The following IGFBP7 variants were observed in gnomAD, a reference collection of about 807,000 sequenced individuals.
IGFBP7 encodes insulin like growth factor binding protein 7.
Under a neutral mutation model 29.4 loss-of-function variants are expected in IGFBP7, and 31 were observed. The observed-to-expected ratio is 1.05, with a 90% CI of 0.79 to 1.42. The LOEUF (loss-of-function observed/expected upper bound fraction) is 1.42. IGFBP7 is among the 40% of genes most tolerant of loss of function. IGFBP7 has a pLI of 0.00. For synonymous variants in IGFBP7, 172 were observed against 174.9 expected (o/e 0.98, Z 0.13); for missense variants, 393 against 395.5 (o/e 0.99, Z 0.05).
intron 1 of IGFBP7, among the ~76,000 whole-genome samples, chr4:57,068,553 A>G (rs1306661139): frequency 2.0e-5 from 3 of 152,218 alleles, no homozygotes; most frequent in Admixed American, 6.5e-5. Context: ...CTTTCTATTC[A>G]GTAGTGCATG....
At chr4:57,069,647 G>A (rs929733873) in intron 1 of IGFBP7, among the ~76,000 whole-genome samples, 5 of 149,590 alleles carry the variant, frequency 3.3e-5, no homozygotes, top group African/African-American at 1.2e-4. Context: ...CTGGGTGACA[G>A]AGAAGGCCCT....
At chr4:57,080,193 T>A (rs1339883393) in intron 1 of IGFBP7, among the ~76,000 whole-genome samples, 2 of 152,004 alleles carry the variant, frequency 1.3e-5, no homozygotes, top group Non-Finnish European at 2.9e-5. Context: ...ACAAAGTGAA[T>A]GAGATTTCTG....
At chr4:57,094,600 G>A (rs1201175561) in intron 1 of IGFBP7, among the ~76,000 whole-genome samples, 1 of 152,198 alleles carries the variant, frequency 6.6e-6, no homozygotes, top group Non-Finnish European at 1.5e-5. Flanking sequence ...AACAAGGCTA[G>A]TTTACGTGTT....
At chr4:57,050,705 C>T (rs901808156) in intron 1 of IGFBP7, among the ~76,000 whole-genome samples, 4 of 149,782 alleles carry the variant, frequency 2.7e-5, no homozygotes, top group Non-Finnish European at 5.9e-5. Flanking sequence ...CAACCATGCC[C>T]GGCTAATTAA....
chr4:57,031,286 T>A lies in IGFBP7; in HGVS notation c.*31A>T, dbSNP rs1281750386. ...TAATGTAGTTATCCATGACTACTTTTAACCATGCAGACTAATAATATTCTG... is the reference window on the plus strand; with the variant it reads ...TAATGTAGTTATCCATGACTACTTTAAACCATGCAGACTAATAATATTCTG... On this transcript the variant is annotated 3_prime_UTR_variant, in exon 5 of 5. Transcript: ENST00000295666. The A allele has an allele frequency of 4.4e-6, 7 of 1,582,502 alleles. No individual in the cohort carries two copies. The highest frequency in any genetic ancestry group is 6.1e-6 in the Non-Finnish European group (7 of 1,153,180).
chr4:57,063,259 C>A (rs1246040895), intron 1 of IGFBP7, among the ~76,000 whole-genome samples: 1 of 152,180 alleles, frequency 6.6e-6, no homozygotes, highest in Non-Finnish European at 1.5e-5. Context: ...AATCCAACCC[C>A]TCCAACTTAG....
chr4:57,040,751 C>T (rs1215899378), intron 2 of IGFBP7, 73 bp downstream of exon 2: 13 of 1,093,192 alleles, frequency 1.2e-5, no homozygotes, highest in African/African-American at 1.5e-5. Flanking sequence ...GAGGATTTAA[C>T]GTTTTACCAT....
chr4:57,042,089 C>T (rs1204775337), intron 1 of IGFBP7, among the ~76,000 whole-genome samples: 1 of 152,218 alleles, frequency 6.6e-6, no homozygotes, highest in Non-Finnish European at 1.5e-5. Flanking sequence ...TATGGGGCCA[C>T]TGAGAGAGGC....
intron 1 of IGFBP7, among the ~76,000 whole-genome samples, chr4:57,094,307 C>T (rs982148274): frequency 1.3e-5 from 2 of 152,140 alleles, no homozygotes; most frequent in Non-Finnish European, 2.9e-5. Flanking sequence ...TCCACAGAGC[C>T]AGGGACAGAG....
chr4:57,082,574 A>G (rs1725397907), intron 1 of IGFBP7, among the ~76,000 whole-genome samples: 1 of 152,230 alleles, frequency 6.6e-6, no homozygotes, highest in African/African-American at 2.4e-5. Context: ...AGGAATATCA[A>G]TGATGTAGTG....
intron 1 of IGFBP7, among the ~76,000 whole-genome samples, chr4:57,089,234 T>C (rs1407305275): frequency 6.6e-6 from 1 of 152,184 alleles, no homozygotes; most frequent in Non-Finnish European, 1.5e-5. Flanking sequence ...GTTTATACAA[T>C]TTATAAAAAT....
intron 1 of IGFBP7, among the ~76,000 whole-genome samples, chr4:57,052,212 G>T (rs1163619775): frequency 6.6e-6 from 1 of 152,170 alleles, no homozygotes; most frequent in East Asian, 1.9e-4. Flanking sequence ...TATTCAGGAA[G>T]AACTAACACT....
intron 2 of IGFBP7, among the ~76,000 whole-genome samples, chr4:57,033,982 G>A (rs924193151): frequency 2.8e-4 from 42 of 148,694 alleles, no homozygotes; most frequent in Middle Eastern, 6.8e-3. Context: ...ACCTGGAGGC[G>A]GAGGTTGCAG....
At chr4:57,086,266 A>G (rs1020231553) in intron 1 of IGFBP7, among the ~76,000 whole-genome samples, 2 of 152,206 alleles carry the variant, frequency 1.3e-5, no homozygotes, top group African/African-American at 4.8e-5. Flanking sequence ...ACCTTCCACC[A>G]GGTCTCTCCC....
At chr4:57,041,033 C>T in intron 1 of IGFBP7, 100 bp from the exon 2 acceptor site, 1 of 777,162 alleles carries the variant, frequency 1.3e-6, no homozygotes, top group South Asian at 1.5e-5. Flanking sequence ...TGAGGCCATC[C>T]CCTTGATGGA....
chr4:57,039,641 C>T (rs11133474), intron 2 of IGFBP7, among the ~76,000 whole-genome samples: 43,279 of 141,296 alleles, frequency 0.31, 6,827 homozygotes, highest in Middle Eastern at 0.42. Context: ...GGAATTCACA[C>T]TCTTTTTTTT....
At chr4:57,109,618 A>T (rs1036023604) in intron 1 of IGFBP7, 2 of 539,910 alleles carry the variant, frequency 3.7e-6, no homozygotes, top group African/African-American at 4.1e-5. Context: ...TCTTTTCTAC[A>T]TATACACCCG....
chr4:57,071,296 C>G (rs1024721167), intron 1 of IGFBP7, among the ~76,000 whole-genome samples: 1 of 152,206 alleles, frequency 6.6e-6, no homozygotes, highest in Non-Finnish European at 1.5e-5. Flanking sequence ...CAATTCCATG[C>G]TGTCATTGAA....
At chr4:57,091,367 C>G (rs1181514293) in intron 1 of IGFBP7, among the ~76,000 whole-genome samples, 1 of 152,168 alleles carries the variant, frequency 6.6e-6, no homozygotes, top group South Asian at 2.1e-4. Context: ...TTTTAGCTTC[C>G]TTTGGATTGA....
Sources: allele counts gnomAD v4.1 joint callset (sites outside exome capture counted in the v4.1 genomes callset), GRCh38; gene constraint gnomAD v4.1.1; transcripts MANE v1.5; gene names NCBI Gene and HGNC (gene_info 2026-07-23, HGNC 2026-07-21).